Variants in ZDHHC14 observed in about 807,000 individuals in gnomAD.
ZDHHC14 encodes zDHHC palmitoyltransferase 14.
Under a neutral mutation model 47.7 loss-of-function variants are expected in ZDHHC14, and 16 were observed. The observed-to-expected ratio is 0.34, with a 90% CI of 0.23 to 0.51. ZDHHC14 has a LOEUF of 0.51. ZDHHC14 is among the 20% of genes least tolerant of loss of function. The pLI, the probability that ZDHHC14 is intolerant of heterozygous loss-of-function variation, is 0.97. For missense variants in ZDHHC14, 515 were observed against 662.5 expected, an observed-to-expected ratio of 0.78 and a Z score of 2.44; for synonymous variants, 293 against 278.9, an observed-to-expected ratio of 1.05 and a Z score of -0.50.
intron 3 of ZDHHC14, among the ~76,000 whole-genome samples, chr6:157,607,536 T>G (rs1356951477): frequency 2.6e-5 from 4 of 152,230 alleles, no homozygotes; most frequent in South Asian, 2.1e-4. Context: ...CAGTGTGGCC[T>G]GCCTGGCCTG....
intron 1 of ZDHHC14, among the ~76,000 whole-genome samples, chr6:157,421,492 CAAAAAAAAAAA>C (rs147380621): frequency 7.1e-5 from 4 of 56,714 alleles, no homozygotes; most frequent in African/African-American, 2.2e-4. Flanking sequence ...GACTCCGTCT[CAAAAAAAAAAA>C]AAAAAAAAAA....
At chr6:157,547,532 A>G (rs1276060405) in intron 2 of ZDHHC14, among the ~76,000 whole-genome samples, 1 of 151,138 alleles carries the variant, frequency 6.6e-6, no homozygotes, top group Non-Finnish European at 1.5e-5. Context: ...CGCATCAAAG[A>G]TATCTTAATT....
At chr6:157,401,824 G>A (rs1777645085) in intron 1 of ZDHHC14, among the ~76,000 whole-genome samples, 1 of 149,624 alleles carries the variant, frequency 6.7e-6, no homozygotes, top group Non-Finnish European at 1.5e-5. Context: ...AGCTTCAGTA[G>A]TGAGATGCAC....
chr6:157,388,980 C>T (rs1043678035), intron 1 of ZDHHC14, among the ~76,000 whole-genome samples: 1 of 152,002 alleles, frequency 6.6e-6, no homozygotes, highest in Non-Finnish European at 1.5e-5. Flanking sequence ...GTGTGTATTC[C>T]CAAACAATAC....
chr6:157,478,999 C>G (rs371517108), intron 1 of ZDHHC14, among the ~76,000 whole-genome samples: 4 of 152,152 alleles, frequency 2.6e-5, no homozygotes, highest in African/African-American at 9.7e-5. Flanking sequence ...GAAAGGTCCG[C>G]GGGGAGACAT....
At chr6:157,632,808 A>G (rs1413286212) in intron 4 of ZDHHC14, 26 bp from the exon 5 acceptor site, 5 of 1,612,702 alleles carry the variant, frequency 3.1e-6, no homozygotes, top group Non-Finnish European at 4.2e-6. Context: ...CTATCTGAAT[A>G]CTAAATGTTG....
intron 2 of ZDHHC14, among the ~76,000 whole-genome samples, chr6:157,571,557 G>A (rs924774712): frequency 6.6e-6 from 1 of 152,158 alleles, no homozygotes; most frequent in Non-Finnish European, 1.5e-5. Flanking sequence ...GGTGACGGGA[G>A]CATCTTCGTA....
intron 8 of ZDHHC14, 65 bp downstream of exon 8, chr6:157,653,692 C>A: frequency 1.3e-6 from 2 of 1,512,656 alleles, no homozygotes; most frequent in Non-Finnish European, 1.8e-6. Context: ...ACTAACAGGC[C>A]ACCAAGCAGC....
chr6:157,655,430 C>T (rs954656408), intron 8 of ZDHHC14, among the ~76,000 whole-genome samples: 2 of 152,216 alleles, frequency 1.3e-5, no homozygotes, highest in African/African-American at 4.8e-5. Context: ...TCACTTCTTA[C>T]ACTGCATGCC....
At chr6:157,526,213 A>T (rs1182190850) in intron 1 of ZDHHC14, among the ~76,000 whole-genome samples, 1 of 152,242 alleles carries the variant, frequency 6.6e-6, no homozygotes, top group Non-Finnish European at 1.5e-5. Flanking sequence ...GGTCTCCCTG[A>T]TGCTAACTCA....
intron 1 of ZDHHC14, among the ~76,000 whole-genome samples, chr6:157,406,156 A>G (rs1777757090): frequency 6.6e-6 from 1 of 152,184 alleles, no homozygotes; most frequent in African/African-American, 2.4e-5. Flanking sequence ...TCACTTTCCC[A>G]CCAGGCCTGA....
At chr6:157,453,837 C>T (rs1316212860) in intron 1 of ZDHHC14, among the ~76,000 whole-genome samples, 1 of 142,418 alleles carries the variant, frequency 7.0e-6, no homozygotes, top group Non-Finnish European at 1.5e-5. Flanking sequence ...GATGACTCCA[C>T]ATGTAATATG....
intron 3 of ZDHHC14, among the ~76,000 whole-genome samples, chr6:157,617,221 C>T (rs1224814673): frequency 6.6e-6 from 1 of 152,160 alleles, no homozygotes; most frequent in Non-Finnish European, 1.5e-5. Flanking sequence ...GAAAAGTACA[C>T]AGTACGGTGG....
chr6:157,596,788 A>T (rs192233726), intron 3 of ZDHHC14, among the ~76,000 whole-genome samples: 27 of 152,282 alleles, frequency 1.8e-4, no homozygotes, highest in Admixed American at 1.3e-3. Context: ...GCACAGACAG[A>T]CCTGCGGCAC....
At chr6:157,630,188 C>G (rs1785619557) in intron 4 of ZDHHC14, 1 of 151,920 alleles carries the variant, frequency 6.6e-6, no homozygotes, top group East Asian at 1.9e-4. Flanking sequence ...CCATCTTGGC[C>G]AGACTGGTCT....
rs1778913712 is a variant in ZDHHC14, at chr6:157,673,778, G to A, written c.*656G>A. ...GGAGAGGTGGCACCGGGGCTGCAGA[G>A]GGCGGCTGGGGTTCCGTCGTGTCGG... is the stretch of plus-strand genomic sequence containing the variant. On this transcript the variant is annotated 3_prime_UTR_variant, in exon 9 of 9. Transcript: ENST00000359775. The surrounding 1 kb of genome is among the most constrained non-coding windows in gnomAD (Gnocchi z 5.4). 6.5e-6 allele frequency: 1 copy of A among 152,684 alleles called. No individual in the cohort carries two copies. Among genetic ancestry groups the A allele is most frequent in the African/African-American group, 2.4e-5 (1 of 41,440 alleles). 9.5% of individuals were successfully genotyped at this position (152,684 alleles called of 1,614,324 possible).
intron 1 of ZDHHC14, among the ~76,000 whole-genome samples, chr6:157,447,122 A>T (rs1241680487): frequency 9.5e-6 from 1 of 104,960 alleles, no homozygotes; most frequent in Non-Finnish European, 1.9e-5. Context: ...CATATCAAAA[A>T]AGAAAGAAAG....
chr6:157,596,832 T>C (rs570621330), intron 3 of ZDHHC14, among the ~76,000 whole-genome samples: 5 of 152,316 alleles, frequency 3.3e-5, no homozygotes, highest in Admixed American at 1.3e-4. Flanking sequence ...GCTCTGGCCA[T>C]TGATGGTCTC....
chr6:157,647,180 G>A, intron 6 of ZDHHC14, 79 bp from the exon 7 acceptor site: 1 of 911,690 alleles, frequency 1.1e-6, no homozygotes, highest in South Asian at 1.7e-5. Context: ...TTCTTTATGA[G>A]CCTCTCATGG....
Sources: allele counts gnomAD v4.1 joint callset (sites outside exome capture counted in the v4.1 genomes callset), GRCh38; gene constraint gnomAD v4.1.1; non-coding constraint Gnocchi (gnomAD v3.1); transcripts MANE v1.5; gene names NCBI Gene and HGNC (gene_info 2026-07-23, HGNC 2026-07-21).